DOCK3: variants seen among roughly 807,000 people sequenced by gnomAD.
DOCK3 encodes dedicator of cytokinesis 3.
A neutral mutation model predicts 265.6 loss-of-function variants in DOCK3; 60 were observed. That is an observed-to-expected ratio of 0.23 (90% CI 0.18 to 0.28). The LOEUF is 0.28. Ranked by LOEUF, DOCK3 falls within the 10% of genes least tolerant of loss-of-function variation. The probability of loss-of-function intolerance (pLI) is 1.00; values close to 1 mark genes in which losing one functional copy is unlikely to be tolerated. For missense variants in DOCK3, 1,981 were observed against 2,594.3 expected (o/e 0.76, Z 5.14); for synonymous variants, 881 against 938.0 (o/e 0.94, Z 1.11).
intron 5 of DOCK3, among the ~76,000 whole-genome samples, chr3:50,975,478 C>G (rs1369532844): frequency 2.0e-5 from 3 of 150,766 alleles, no homozygotes; most frequent in African/African-American, 7.3e-5. Flanking sequence ...GCCTTGCATC[C>G]CAGGGATGAA....
intron 31 of DOCK3, among the ~76,000 whole-genome samples, chr3:51,313,965 A>G (rs1161978132): frequency 1.3e-5 from 2 of 152,086 alleles, no homozygotes; most frequent in African/African-American, 4.8e-5. Flanking sequence ...GCTTCTTAGA[A>G]TTTTTTTTAA....
intron 5 of DOCK3, among the ~76,000 whole-genome samples, chr3:50,955,749 G>A (rs1341477727): frequency 3.3e-5 from 5 of 152,086 alleles, no homozygotes; most frequent in Non-Finnish European, 7.3e-5. Context: ...CTTAGAACCC[G>A]GGTGATGAAA....
rs550992112 is a variant in DOCK3 at position 51,101,221 on chromosome 3, C to T, written c.746+10837C>T. Among the ~76,000 whole-genome samples the T allele has an allele frequency of 1.9e-3, 284 of 149,158 alleles. 1 individual carries two copies. The highest frequency in any genetic ancestry group is 6.6e-3 in the African/African-American group (269 of 40,508). The stretch of plus-strand genomic sequence containing the variant: ...CTGCAAGCTCCGCTTCCCGGGTTCA[C>T]GCCATTCTCCTGCCTCAGCCTCCCG... On this transcript the variant is annotated intron_variant, in intron 9 of 52. Transcript: ENST00000266037.
intron 1 of DOCK3, among the ~76,000 whole-genome samples, chr3:50,730,817 C>T (rs373256138): frequency 1.3e-5 from 2 of 150,960 alleles, no homozygotes; most frequent in East Asian, 2.0e-4. Context: ...GGTTACAAAG[C>T]GAGATCCCAT....
chr3:51,275,528 G>A (rs2080770978), intron 25 of DOCK3, among the ~76,000 whole-genome samples: 1 of 152,148 alleles, frequency 6.6e-6, no homozygotes, highest in South Asian at 2.1e-4. Context: ...AGTTTTCTGA[G>A]AATATTCAGG....
At chr3:51,278,315 C>T in intron 26 of DOCK3, 1 of 985,366 alleles carries the variant, frequency 1.0e-6, no homozygotes, top group Non-Finnish European at 1.2e-6. Flanking sequence ...GAAGGCTTCT[C>T]AGGAGGGGCA....
chr3:50,761,358 G>A (rs948976701), intron 1 of DOCK3, among the ~76,000 whole-genome samples: 1 of 152,134 alleles, frequency 6.6e-6, no homozygotes, highest in Non-Finnish European at 1.5e-5. Flanking sequence ...AAAGGAACAT[G>A]AAATAGGCTG....
chr3:51,179,580 A>G (rs2087159867), intron 12 of DOCK3, among the ~76,000 whole-genome samples: 1 of 152,172 alleles, frequency 6.6e-6, no homozygotes. Context: ...ACAATGTAGA[A>G]TAGCATAAAT....
chr3:51,342,154 A>G (rs1043155679), intron 38 of DOCK3, among the ~76,000 whole-genome samples: 6 of 152,240 alleles, frequency 3.9e-5, no homozygotes, highest in Non-Finnish European at 8.8e-5. Flanking sequence ...GGTTTTTGAG[A>G]TGAGTTTTTT....
intron 5 of DOCK3, among the ~76,000 whole-genome samples, chr3:50,990,195 G>T (rs1333149232): frequency 6.6e-6 from 1 of 152,182 alleles, no homozygotes; most frequent in Non-Finnish European, 1.5e-5. Context: ...ATCCCTGAAA[G>T]GCAGGGGGAG....
At chr3:50,880,633 T>C in intron 3 of DOCK3, 1 of 155,346 alleles carries the variant, frequency 6.4e-6, no homozygotes, top group Non-Finnish European at 1.4e-5. Flanking sequence ...AGGCAATAAT[T>C]AATAGCCTAC....
intron 27 of DOCK3, among the ~76,000 whole-genome samples, chr3:51,309,126 C>T (rs2082898746): frequency 6.6e-6 from 1 of 151,948 alleles, no homozygotes; most frequent in Non-Finnish European, 1.5e-5. Flanking sequence ...AGGGGCTCCT[C>T]ACATCCCAGA....
At chr3:50,771,103 A>C (rs762521525) in intron 1 of DOCK3, among the ~76,000 whole-genome samples, 7 of 152,226 alleles carry the variant, frequency 4.6e-5, no homozygotes, top group Non-Finnish European at 1.0e-4. Context: ...AAATGGGATC[A>C]CATCAAGTTA....
chr3:51,211,564 A>G (rs545601253), intron 13 of DOCK3, among the ~76,000 whole-genome samples: 4 of 151,892 alleles, frequency 2.6e-5, no homozygotes, highest in South Asian at 2.1e-4. Flanking sequence ...CCTGTGTCCA[A>G]GTATTCTCAC....
chr3:51,092,076 T>C (rs1013994110), intron 9 of DOCK3, among the ~76,000 whole-genome samples: 3 of 152,184 alleles, frequency 2.0e-5, no homozygotes, highest in African/African-American at 7.2e-5. Context: ...CAAAACTGGG[T>C]AGCTGTTTGA....
intron 13 of DOCK3, among the ~76,000 whole-genome samples, chr3:51,211,658 G>C (rs1365756525): frequency 1.3e-5 from 2 of 151,988 alleles, no homozygotes; most frequent in Non-Finnish European, 2.9e-5. Flanking sequence ...ATGGTTTCCA[G>C]CTTCATCCAT....
chr3:50,750,239 G>GCA (rs2039706121), intron 1 of DOCK3, among the ~76,000 whole-genome samples: 1 of 151,130 alleles, frequency 6.6e-6, no homozygotes, highest in African/African-American at 2.4e-5. Flanking sequence ...TGGGTCCATG[G>GCA]AAAAATGTCT....
chr3:51,176,918 G>T (rs1447900608), intron 12 of DOCK3, among the ~76,000 whole-genome samples: 1 of 152,122 alleles, frequency 6.6e-6, no homozygotes, highest in Non-Finnish European at 1.5e-5. Context: ...TCATTGGTAA[G>T]TTCCACTTTT....
At chr3:51,072,884 T>G (rs942440505) in intron 6 of DOCK3, among the ~76,000 whole-genome samples, 4 of 151,850 alleles carry the variant, frequency 2.6e-5, no homozygotes, top group African/African-American at 9.7e-5. Context: ...TTTTTTTTTT[T>G]TTTTTTAGAG....
Sources: gnomAD v4.1 joint callset for allele counts (sites outside exome capture counted in the v4.1 genomes callset) on GRCh38, gnomAD v4.1.1 for gene constraint, MANE v1.5 for transcripts, NCBI Gene and HGNC (gene_info 2026-07-23, HGNC 2026-07-21) for gene names.